Variants in CPB2 observed in about 807,000 individuals in gnomAD.
The protein encoded by CPB2 is carboxypeptidase B-like protein.
CPB2 carries 54 observed loss-of-function variants against 57.0 expected under a neutral mutation model. The ratio of observed to expected loss-of-function variants is 0.95; its 90% confidence interval spans 0.76 to 1.19. The LOEUF (loss-of-function observed/expected upper bound fraction) is 1.19, where lower values mean the gene tolerates loss of function less well. Among genes scored for constraint, CPB2 ranks in the 50% most tolerant of loss-of-function variants. CPB2 has a pLI of 0.00. For missense variants in CPB2, 426 were observed against 512.0 expected (o/e 0.83, Z 1.62); for synonymous variants, 189 against 178.1 (o/e 1.06, Z -0.49).
chr13:46,067,383 G>T lies in CPB2; in HGVS notation c.626C>A (p.Thr209Asn). Residue 209 changes from threonine (T) to asparagine (N), a missense_variant, in exon 7 of 11, where the codon ACC becomes AAC. Transcript: ENST00000181383. The part of the protein sequence containing the change: ...TQFYGIIGQY[T>N]NLLRLVDFYV... Reference sequence around the variant, plus strand: ...GAAATCCACAAGCCTCAGGAGATTGGTATATTGCCCTATTATCCCATAGAA... The same window carrying T: ...GAAATCCACAAGCCTCAGGAGATTGTTATATTGCCCTATTATCCCATAGAA... 2.5e-6 allele frequency: 4 copies of T among 1,590,916 alleles called. No individual in the cohort carries two copies. The highest frequency in any genetic ancestry group is 2.6e-6 in the Non-Finnish European group (3 of 1,159,458).
chr13:46,104,964 A>C lies in CPB2; in HGVS notation c.46T>G (p.Cys16Gly). 5 of 1,614,016 alleles carry C rather than the reference A, an allele frequency of 3.1e-6. No homozygotes were observed. Among genetic ancestry groups the C allele is most frequent in the Non-Finnish European group, 4.2e-6 (5 of 1,179,904 alleles). ...LAVLVPIVLF[C>G]EQHVFAFQSG... ...TGAAACGCGAAGACATGCTGCTCAC[A>C]GAAGAGAACAATGGGTACAAGGACT... The change falls in exon 1 of 11, where the codon TGT becomes GGT. Residue 16 changes from cysteine (C) to glycine (G), a missense_variant. Coordinates refer to ENST00000181383, the MANE Select transcript of CPB2 (RefSeq NM_001872.5).
rs1374616561 is a variant in CPB2, at chr13:46,055,744, A to G, written c.1087+18T>C. 3.4e-6 allele frequency: 5 copies of G among 1,455,126 alleles called. No individual in the cohort carries two copies. The South Asian group carries it at 4.9e-5, about 14-fold the overall frequency. The allele number at this position is 1,455,126 out of a possible 1,614,324, so 90.1% of individuals were successfully genotyped here. ...TAGTAGCTCAAAGTTCTCTAAGATC[A>G]TAAGAAGAAATACTTACATAAGGTT... On this transcript the variant is annotated intron_variant, in intron 10 of 10. Transcript: ENST00000181383.
At chr13:46,073,757 A>T in intron 6 of CPB2, 116 bp downstream of exon 6, 1 of 605,936 alleles carries the variant, frequency 1.7e-6, no homozygotes, top group Non-Finnish European at 2.6e-6. Context: ...GTAGATTCCC[A>T]AGCTTCATGA....
chr13:46,064,023 C>A (rs1024001681), intron 8 of CPB2, among the ~76,000 whole-genome samples: 27 of 151,992 alleles, frequency 1.8e-4, no homozygotes, highest in African/African-American at 6.5e-4. Context: ...TTTGGGAGGC[C>A]GAGGTGGGCG....
At chr13:46,081,352 GAC>G (rs1001748697) in intron 4 of CPB2, among the ~76,000 whole-genome samples, 10 of 152,116 alleles carry the variant, frequency 6.6e-5, no homozygotes, top group Non-Finnish European at 1.5e-4. Context: ...TCACAGCAGT[GAC>G]AGTTTCACCT....
intron 1 of CPB2, chr13:46,095,101 G>C (rs1392210362): frequency 6.6e-6 from 1 of 152,104 alleles, no homozygotes; most frequent in African/African-American, 2.4e-5. Context: ...TGGGTATCTG[G>C]AGCCCTAGCC....
chr13:46,064,666 C>CAA lies in CPB2; in HGVS notation c.776_777dup (p.Ala260LeufsTer31), dbSNP rs1347900792. The CAA allele has an allele frequency of 6.2e-7, 1 of 1,614,080 alleles. No homozygotes were observed. Among genetic ancestry groups the CAA allele is most frequent in the African/African-American group, 1.3e-5 (1 of 75,062 alleles). On this transcript the variant is annotated frameshift_variant, in exon 8 of 11. Coordinates refer to ENST00000181383, the MANE Select transcript of CPB2 (RefSeq NM_001872.5). LOFTEE classifies it high-confidence loss of function. ...AACCTACCACACCAGTGTTTGGAAG[C>CAA]AAAGTTCCTATTCAGGTCTGTTCCG... is the stretch of plus-strand genomic sequence containing the variant.
intron 5 of CPB2, among the ~76,000 whole-genome samples, chr13:46,076,386 T>A: frequency 7.5e-6 from 1 of 132,844 alleles, no homozygotes. Flanking sequence ...GAAATACCAT[T>A]TACAATGACC....
At chr13:46,070,940 A>T (rs1453240622) in intron 6 of CPB2, among the ~76,000 whole-genome samples, 1 of 152,228 alleles carries the variant, frequency 6.6e-6, no homozygotes, top group Non-Finnish European at 1.5e-5. Context: ...TTGACCAAAC[A>T]ATATACCAGG....
intron 1 of CPB2, among the ~76,000 whole-genome samples, chr13:46,102,782 T>C (rs2045452563): frequency 6.6e-6 from 1 of 152,122 alleles, no homozygotes; most frequent in Non-Finnish European, 1.5e-5. Flanking sequence ...TGCAATGTTA[T>C]TTCCAGTGAA....
At chr13:46,086,203 C>T (rs2045201268) in intron 2 of CPB2, among the ~76,000 whole-genome samples, 1 of 152,154 alleles carries the variant, frequency 6.6e-6, no homozygotes, top group Non-Finnish European at 1.5e-5. Context: ...AAGGCTGCAG[C>T]TCTTCTCTCC....
chr13:46,060,166 G>A (rs958270539), intron 8 of CPB2, among the ~76,000 whole-genome samples: 1 of 152,056 alleles, frequency 6.6e-6, no homozygotes. Flanking sequence ...ACCACTTTAA[G>A]AAAAATAAAA....
rs61730120 is a variant in CPB2 at position 46,078,819 on chromosome 13, T to A, written c.467A>T (p.Tyr156Phe). ...KIHIGSSFEK[Y>F]PLYVLKVSGK... ...ACATACCTTTAAAACATAGAGTGGG[T>A]ACTTCTCAAATGAGGATCCAATGTG... Residue 156 changes from tyrosine to phenylalanine, a missense_variant, in exon 5 of 11, where the codon TAC (tyrosine) becomes TTC (phenylalanine). Tyr to Phe is a conservative substitution (Grantham distance 22). Coordinates refer to ENST00000181383, the MANE Select transcript of CPB2 (RefSeq NM_001872.5). The A allele has an allele frequency of 1.9e-6, 3 of 1,606,986 alleles. No individual in the cohort carries two copies. The African/African-American group carries it at 4.0e-5, about 21-fold the overall frequency.
At position 46,104,925 on chromosome 13, in the gene CPB2, TATTGG is replaced by T; in HGVS notation, c.74+6_74+10del. The T allele has an allele frequency of 6.2e-7, 1 of 1,613,926 alleles. No homozygotes were observed. Among genetic ancestry groups the T allele is most frequent in the Non-Finnish European group, 8.5e-7 (1 of 1,179,858 alleles). ...AGTGGCCCACCACAGTCTAAGATTC[TATTGG>T]GTTACCTCTGAAACGCGAAGACATG... On this transcript the variant is annotated splice_donor_region_variant and intron_variant, in intron 1 of 10. Coordinates refer to ENST00000181383, the MANE Select transcript of CPB2 (RefSeq NM_001872.5).
intron 4 of CPB2, among the ~76,000 whole-genome samples, chr13:46,079,323 G>A (rs527362173): frequency 2.6e-5 from 4 of 152,184 alleles, no homozygotes; most frequent in South Asian, 2.1e-4. Flanking sequence ...TCTTCATGCA[G>A]GATAAATGGA....
chr13:46,067,168 G>T, intron 7 of CPB2, 139 bp downstream of exon 7: 1 of 500,024 alleles, frequency 2.0e-6, no homozygotes, highest in Admixed American at 3.9e-5. Flanking sequence ...ATATATATTT[G>T]ACATTTTCCA....
At position 46,078,876 on chromosome 13, in the gene CPB2, G is replaced by A; in HGVS notation, c.410C>T (p.Thr137Ile). 6.2e-7 allele frequency: 1 copy of A among 1,610,380 alleles called. No individual in the cohort carries two copies. The highest frequency in any genetic ancestry group is 2.2e-5 in the East Asian group (1 of 44,844). The change falls in exon 5 of 11, where the codon ACT becomes ATT. Residue 137 changes from threonine (T) to isoleucine (I), a missense_variant. Thr to Ile is a moderately conservative substitution (Grantham distance 89, BLOSUM62 -1). Transcript: ENST00000181383. ...NEIYSWIEFI[T>I]ERHPDMLTKI... ...TGTAAGCATATCAGGATGCCTCTCAGTTATAAATTCTATCCAAGAATAGAT... is the reference window on the plus strand; with the variant it reads ...TGTAAGCATATCAGGATGCCTCTCAATTATAAATTCTATCCAAGAATAGAT...
chr13:46,070,673 A>C (rs1224524070), intron 6 of CPB2, among the ~76,000 whole-genome samples: 1 of 152,214 alleles, frequency 6.6e-6, no homozygotes, highest in Non-Finnish European at 1.5e-5. Flanking sequence ...TATAAGACAC[A>C]TGAAGGGAAA....
chr13:46,091,165 C>G (rs1455996674), intron 1 of CPB2, among the ~76,000 whole-genome samples: 1 of 152,076 alleles, frequency 6.6e-6, no homozygotes, highest in African/African-American at 2.4e-5. Context: ...CTATTTAGCT[C>G]TCTTGGTAGT....
Sources: gnomAD v4.1 joint callset for allele counts (sites outside exome capture counted in the v4.1 genomes callset) on GRCh38, gnomAD v4.1.1 for gene constraint, MANE v1.5 for transcripts, NCBI Gene and HGNC (gene_info 2026-07-23, HGNC 2026-07-21) for gene names.